Variants in AP3B1 observed in about 807,000 individuals in gnomAD.
AP3B1 encodes AP-3 complex subunit beta-1.
In AP3B1, 61 loss-of-function variants were observed where a neutral mutation model predicts 132.5. The ratio of observed to expected loss-of-function variants is 0.46; its 90% CI spans 0.37 to 0.57. The LOEUF (loss-of-function observed/expected upper bound fraction) is 0.57. Ranked by LOEUF, AP3B1 falls within the 20% of genes least tolerant of loss-of-function variation. AP3B1 has a pLI of 0.00. For synonymous variants in AP3B1, 388 were observed against 438.3 expected, an observed-to-expected ratio of 0.89 and a Z score of 1.43; for missense variants, 1,120 against 1,289.4, an observed-to-expected ratio of 0.87 and a Z score of 2.01.
At chr5:78,235,474 A>AT (rs1404440565) in intron 3 of AP3B1, among the ~76,000 whole-genome samples, 6 of 152,248 alleles carry the variant, frequency 3.9e-5, no homozygotes, top group African/African-American at 1.4e-4. Flanking sequence ...GGCAAAAAGC[A>AT]TAACAATATT....
At chr5:78,012,754 C>T (rs1319079660) in intron 26 of AP3B1, among the ~76,000 whole-genome samples, 2 of 152,130 alleles carry the variant, frequency 1.3e-5, no homozygotes, top group African/African-American at 2.4e-5. Flanking sequence ...AGTATGAGGA[C>T]CACGAACATT....
chr5:78,237,126 T>TTA (rs1746910842), intron 3 of AP3B1, among the ~76,000 whole-genome samples: 1 of 152,220 alleles, frequency 6.6e-6, no homozygotes, highest in African/African-American at 2.4e-5. Context: ...TTAGTCTAAT[T>TTA]GAGTTTATAA....
At chr5:78,267,227 T>G (rs1206642896) in intron 2 of AP3B1, among the ~76,000 whole-genome samples, 1 of 152,044 alleles carries the variant, frequency 6.6e-6, no homozygotes, top group East Asian at 1.9e-4. Flanking sequence ...TATCATCTTA[T>G]TTTGTCTTCA....
intron 1 of AP3B1, among the ~76,000 whole-genome samples, chr5:78,273,453 A>G (rs1388322365): frequency 1.3e-5 from 2 of 152,132 alleles, no homozygotes; most frequent in African/African-American, 2.4e-5. Flanking sequence ...CCCTCAGTAC[A>G]TTTCCCAAAT....
At chr5:78,289,955 T>C (rs1186249419) in intron 1 of AP3B1, among the ~76,000 whole-genome samples, 1 of 152,190 alleles carries the variant, frequency 6.6e-6, no homozygotes, top group African/African-American at 2.4e-5. Flanking sequence ...AGAATCCATC[T>C]TTCCTCCCCC....
chr5:78,279,476 T>G (rs1470125302), intron 1 of AP3B1, among the ~76,000 whole-genome samples: 1 of 151,834 alleles, frequency 6.6e-6, no homozygotes, highest in Non-Finnish European at 1.5e-5. Context: ...TAAAATCACA[T>G]GCCTTTTATG....
intron 1 of AP3B1, among the ~76,000 whole-genome samples, chr5:78,282,424 C>G (rs777322350): frequency 3.3e-5 from 5 of 150,998 alleles, no homozygotes; most frequent in Non-Finnish European, 7.4e-5. Context: ...CTCCTTTGTA[C>G]TATAATCATT....
At chr5:78,147,598 C>T (rs1278402331) in intron 14 of AP3B1, among the ~76,000 whole-genome samples, 1 of 148,092 alleles carries the variant, frequency 6.8e-6, no homozygotes, top group African/African-American at 2.5e-5. Context: ...CTTTATTTTC[C>T]TTTGTGAATA....
chr5:78,231,159 AAG>A (rs1746634300), intron 3 of AP3B1, among the ~76,000 whole-genome samples: 1 of 152,028 alleles, frequency 6.6e-6, no homozygotes, highest in African/African-American at 2.4e-5. Context: ...GTCCTTGAAA[AAG>A]GTTTTTTGTT....
intron 24 of AP3B1, among the ~76,000 whole-genome samples, chr5:78,025,762 A>G (rs1043533539): frequency 5.9e-5 from 9 of 152,100 alleles, no homozygotes; most frequent in African/African-American, 1.7e-4. Flanking sequence ...TGAACTGCCA[A>G]CCCCTGCAGT....
At chr5:78,091,468 C>A (rs1750512590) in intron 21 of AP3B1, among the ~76,000 whole-genome samples, 1 of 152,050 alleles carries the variant, frequency 6.6e-6, no homozygotes, top group South Asian at 2.1e-4. Context: ...CAGCTTCAAA[C>A]CCCCAGGCTT....
intron 3 of AP3B1, among the ~76,000 whole-genome samples, chr5:78,237,411 T>C (rs1746923060): frequency 6.6e-6 from 1 of 152,088 alleles, no homozygotes; most frequent in Admixed American, 6.6e-5. Context: ...GGAGGATCAC[T>C]TGAGCCCAGG....
chr5:78,096,400 G>A (rs1750786464), intron 21 of AP3B1, among the ~76,000 whole-genome samples: 1 of 152,062 alleles, frequency 6.6e-6, no homozygotes, highest in Non-Finnish European at 1.5e-5. Flanking sequence ...GCCTCCCAAA[G>A]CGTCCAGAGT....
At chr5:78,139,281 GA>G (rs747330550) in intron 15 of AP3B1, among the ~76,000 whole-genome samples, 1 of 152,186 alleles carries the variant, frequency 6.6e-6, no homozygotes, top group African/African-American at 2.4e-5. Flanking sequence ...AAACCAGACA[GA>G]AAAAAATCCT....
At chr5:78,049,665 C>A (rs1216793709) in intron 22 of AP3B1, among the ~76,000 whole-genome samples, 1 of 152,188 alleles carries the variant, frequency 6.6e-6, no homozygotes, top group African/African-American at 2.4e-5. Context: ...CTGTGGCCAG[C>A]CCGGTCTGAG....
At chr5:78,194,709 T>A (rs1479041513) in intron 7 of AP3B1, among the ~76,000 whole-genome samples, 1 of 152,204 alleles carries the variant, frequency 6.6e-6, no homozygotes, top group Non-Finnish European at 1.5e-5. Flanking sequence ...CCTTACAAAA[T>A]AATTCTAAGT....
intron 22 of AP3B1, among the ~76,000 whole-genome samples, chr5:78,068,595 T>C (rs1407506733): frequency 3.9e-5 from 6 of 152,106 alleles, no homozygotes; most frequent in Non-Finnish European, 7.4e-5. Flanking sequence ...AGTTCTGAAA[T>C]TGAGGCAGTA....
At chr5:78,125,464 T>C (rs1410414149) in intron 17 of AP3B1, among the ~76,000 whole-genome samples, 2 of 152,190 alleles carry the variant, frequency 1.3e-5, no homozygotes, top group Non-Finnish European at 2.9e-5. Context: ...TAGTATATTA[T>C]ATGCATGAAA....
chr5:78,160,406 A>G (rs1743340502), intron 13 of AP3B1, among the ~76,000 whole-genome samples: 1 of 152,180 alleles, frequency 6.6e-6, no homozygotes, highest in African/African-American at 2.4e-5. Flanking sequence ...GATTTCTCTT[A>G]CTAAAGGTCT....
Sources: allele counts gnomAD v4.1 joint callset (sites outside exome capture counted in the v4.1 genomes callset), GRCh38; gene constraint gnomAD v4.1.1; transcripts MANE v1.5; gene names NCBI Gene and HGNC (gene_info 2026-07-23, HGNC 2026-07-21).